GNPTAB: variants seen among roughly 807,000 people sequenced by gnomAD.
The protein encoded by GNPTAB is N-acetylglucosamine-1-phosphate transferase subunits alpha and beta, also known as N-acetylglucosamine-1-phosphotransferase subunits alpha/beta.
Under a neutral mutation model 136.6 loss-of-function variants are expected in GNPTAB, and 92 were observed. The observed-to-expected ratio is 0.67, with a 90% CI of 0.57 to 0.80. The LOEUF (loss-of-function observed/expected upper bound fraction) is 0.80, where lower values mean the gene tolerates loss of function less well. Ranked by LOEUF, GNPTAB falls within the 30% of genes least tolerant of loss-of-function variation. The pLI is 0.00. For missense variants in GNPTAB, 1,343 were observed against 1,501.8 expected (o/e 0.89, Z 1.75); for synonymous variants, 512 against 535.1 (o/e 0.96, Z 0.60).
chr12:101,748,664 T>C (rs926291699), intron 20 of GNPTAB, among the ~76,000 whole-genome samples: 4 of 152,180 alleles, frequency 2.6e-5, no homozygotes, highest in South Asian at 4.1e-4. Flanking sequence ...GAAAGATAAA[T>C]GGGAGCTACT....
chr12:101,790,160 C>A lies in GNPTAB; in HGVS notation c.204-103G>T, dbSNP rs11111024. 0.12 allele frequency: 182,718 copies of A among 1,481,270 alleles called. 15,379 individuals carry two copies. Among genetic ancestry groups the A allele is most frequent in the East Asian group, 0.49 (21,182 of 43,392 alleles). The allele number at this position is 1,481,270 out of a possible 1,614,324, so 91.8% of individuals were successfully genotyped here. On this transcript the variant is annotated intron_variant, in intron 2 of 20. Transcript: ENST00000299314. ...AACCCAGAGATTATGAAAAAAATCT[C>A]TGAAGAAGTAATCCAACCATGACAT...
chr12:101,761,145 T>A lies in GNPTAB; in HGVS notation c.3117A>T (p.Glu1039Asp). 1 of 1,613,044 alleles carries A rather than the reference T, an allele frequency of 6.2e-7. No individual in the cohort carries two copies. The highest frequency in any genetic ancestry group is 8.5e-7 in the Non-Finnish European group (1 of 1,179,032). Residue 1039 changes from glutamate (E) to aspartate (D), a missense_variant, in exon 15 of 21, where the codon GAA becomes GAT. By Grantham distance (45) the Glu-to-Asp change is conservative (BLOSUM62 2). Coordinates refer to ENST00000299314, the MANE Select transcript of GNPTAB (RefSeq NM_024312.5). The stretch of plus-strand genomic sequence containing the variant: ...ACAACACCTGCAAACTTAACGGCAG[T>A]TCGTGAATTCTGGTAGCCAGTGTTC... ...EIRTLATRIH[E>D]LPLSLQDLTG...
chr12:101,757,873 C>T (rs1027356721), intron 16 of GNPTAB, among the ~76,000 whole-genome samples: 1 of 152,058 alleles, frequency 6.6e-6, no homozygotes, highest in African/African-American at 2.4e-5. Context: ...GCATTTTTCA[C>T]AAACCAAACC....
chr12:101,753,268 A>G, intron 19 of GNPTAB, 104 bp downstream of exon 19: 1 of 1,069,584 alleles, frequency 9.3e-7, no homozygotes, highest in South Asian at 1.4e-5. Flanking sequence ...AAAAAAAATA[A>G]AAAGAGAAAT....
chr12:101,748,454 A>G (rs1052040658), intron 20 of GNPTAB, among the ~76,000 whole-genome samples: 1 of 152,140 alleles, frequency 6.6e-6, no homozygotes, highest in Admixed American at 6.5e-5. Flanking sequence ...CTTTTTCTTC[A>G]GAGTATTTGA....
chr12:101,824,434 TTTC>T (rs1566103116), intron 1 of GNPTAB, among the ~76,000 whole-genome samples: 3 of 67,974 alleles, frequency 4.4e-5, no homozygotes, highest in Non-Finnish European at 5.4e-5. Context: ...ATATATATAT[TTTC>T]TTTTTTTTTT....
chr12:101,827,194 A>G (rs777452699), intron 1 of GNPTAB, among the ~76,000 whole-genome samples: 1 of 151,916 alleles, frequency 6.6e-6, no homozygotes, highest in East Asian at 1.9e-4. Context: ...CAGTGGTGCA[A>G]TCACGGCTCA....
chr12:101,755,055 T>C (rs1952881918), intron 18 of GNPTAB, among the ~76,000 whole-genome samples: 2 of 152,202 alleles, frequency 1.3e-5, no homozygotes, highest in African/African-American at 4.8e-5. Flanking sequence ...TTGGTCATAT[T>C]AAGGAATCAT....
chr12:101,816,069 C>T (rs749620630), intron 1 of GNPTAB, among the ~76,000 whole-genome samples: 1 of 152,120 alleles, frequency 6.6e-6, no homozygotes, highest in African/African-American at 2.4e-5. Flanking sequence ...AGACTTAAAT[C>T]TAAGACCTGA....
At chr12:101,793,142 G>T (rs1371599775) in intron 2 of GNPTAB, among the ~76,000 whole-genome samples, 2 of 152,108 alleles carry the variant, frequency 1.3e-5, no homozygotes, top group South Asian at 2.1e-4. Context: ...CATGGGTGGG[G>T]TTTAATACAT....
At chr12:101,771,564 G>A (rs10778149) in intron 7 of GNPTAB, among the ~76,000 whole-genome samples, 37,384 of 152,072 alleles carry the variant, frequency 0.25, 5,223 homozygotes, top group East Asian at 0.33. Flanking sequence ...TCTTGAAATG[G>A]TAAGACAATA....
Position 101,830,957 on chromosome 12 carries a change from T to TGCGGCG in GNPTAB, c.-283_-282insCGCCGC, listed in dbSNP as rs1444875702. ...CGGGTCTGGCCGGGCGAGAGGCGGC[T>TGCGGCG]GCGGCGGCGGCGGGGTCTCCAGCGC... On this transcript the variant is annotated 5_prime_UTR_variant, in exon 1 of 21. Coordinates refer to ENST00000299314, the MANE Select transcript of GNPTAB (RefSeq NM_024312.5). The TGCGGCG allele has an allele frequency of 1.3e-5, 2 of 149,542 alleles. No homozygotes were observed. Among genetic ancestry groups the TGCGGCG allele is most frequent in the African/African-American group, 4.9e-5 (2 of 41,126 alleles). The allele number at this position is 149,542 out of a possible 1,614,324, so 9.3% of individuals were successfully genotyped here.
intron 1 of GNPTAB, among the ~76,000 whole-genome samples, chr12:101,817,979 C>T (rs908786955): frequency 6.6e-6 from 1 of 152,120 alleles, no homozygotes; most frequent in Non-Finnish European, 1.5e-5. Context: ...TTTGATGGTC[C>T]CCATTTTCTT....
rs780940504 is a variant in GNPTAB at position 101,770,510 on chromosome 12, C to G, written c.1009G>C (p.Glu337Gln). 2 of 1,612,960 alleles carry G rather than the reference C, an allele frequency of 1.2e-6. No homozygotes were observed. Among genetic ancestry groups the G allele is most frequent in the Non-Finnish European group, 1.7e-6 (2 of 1,179,060 alleles). Residue 337 changes from glutamate (E) to glutamine (Q), a missense_variant, in exon 9 of 21, where the codon GAG becomes CAG. Coordinates refer to ENST00000299314, the MANE Select transcript of GNPTAB (RefSeq NM_024312.5). ...TTCCGAACCCATGGTGCATGCCTCT[C>G]GATAGATCGCAATGAGTACCTCAGT... Reference protein sequence around the residue: ...EELRYSLRSIERHAPWVRNIF... With the variant: ...EELRYSLRSIQRHAPWVRNIF...
At position 101,775,255 on chromosome 12, in the gene GNPTAB, A is replaced by G. The variant is rs117316629; in HGVS notation, c.772-4098T>C. On this transcript the variant is annotated intron_variant, in intron 7 of 20. Transcript: ENST00000299314. ...TCATTTTGGATTCATTTGATTTAAA[A>G]TCATTAAAAATCTGTTAGGAAAAAA... is the stretch of plus-strand genomic sequence containing the variant. Among the ~76,000 whole-genome samples the G allele has an allele frequency of 7.2e-5, 11 of 152,374 alleles. No homozygotes were observed. The East Asian group carries it at 2.1e-3, about 29-fold the overall frequency.
chr12:101,748,401 C>G, intron 20 of GNPTAB, among the ~76,000 whole-genome samples: 1 of 152,224 alleles, frequency 6.6e-6, no homozygotes, highest in East Asian at 1.9e-4. Context: ...ACTTGCCACA[C>G]CCAAGTCAGG....
intron 7 of GNPTAB, 147 bp from the exon 8 acceptor site, chr12:101,771,304 C>A (rs1005873338): frequency 2.7e-6 from 2 of 728,754 alleles, no homozygotes; most frequent in South Asian, 1.7e-5. Flanking sequence ...AGCGCAGTGG[C>A]ACGATCTCTG....
rs149290422 is a variant in GNPTAB, at chr12:101,811,966, C to T, written c.118-15204G>A. Among the ~76,000 whole-genome samples, 802 of 150,172 alleles carry T rather than the reference C, an allele frequency of 5.3e-3. 2 individuals are homozygous for T. Among genetic ancestry groups the T allele is most frequent in the Middle Eastern group, 0.014 (4 of 294 alleles). On this transcript the variant is annotated intron_variant, in intron 1 of 20. Transcript: ENST00000299314. ...GCTACACACTTTTAAACAACCAGAT[C>T]TCAGGCAGGGCGTGGTGGCTCACAC...
intron 18 of GNPTAB, among the ~76,000 whole-genome samples, chr12:101,755,872 C>T (rs1202484407): frequency 2.0e-5 from 3 of 152,158 alleles, no homozygotes; most frequent in Admixed American, 2.0e-4. Flanking sequence ...CCTTTAAGTA[C>T]CATGAAAATG....
Sources: allele counts gnomAD v4.1 joint callset (sites outside exome capture counted in the v4.1 genomes callset), GRCh38; gene constraint gnomAD v4.1.1; transcripts MANE v1.5; gene names NCBI Gene and HGNC (gene_info 2026-07-23, HGNC 2026-07-21).